The following GALNT13 variants were observed in gnomAD, a reference collection of about 807,000 sequenced individuals.
GALNT13 encodes polypeptide N-acetylgalactosaminyltransferase 13.
Under a neutral mutation model 64.2 loss-of-function variants are expected in GALNT13, and 28 were observed. The observed-to-expected ratio is 0.44, with a 90% confidence interval of 0.32 to 0.60. The LOEUF (loss-of-function observed/expected upper bound fraction) is 0.60, where lower values mean the gene tolerates loss of function less well. Among genes scored for constraint, GALNT13 ranks in the 20% least tolerant of loss-of-function variants. The pLI is 0.05. For missense variants in GALNT13, 577 were observed against 669.8 expected, an observed-to-expected ratio of 0.86 and a Z score of 1.53; for synonymous variants, 214 against 224.6, an observed-to-expected ratio of 0.95 and a Z score of 0.42.
chr2:153,130,747 G>A, the GALNT13 span, among the ~76,000 whole-genome samples: 3 of 152,238 alleles, frequency 2.0e-5, no homozygotes, highest in South Asian at 6.2e-4. Context: ...ATGAGCAGAA[G>A]AATCTTGATT....
At chr2:153,091,762 T>A in the GALNT13 span, among the ~76,000 whole-genome samples, 1 of 152,202 alleles carries the variant, frequency 6.6e-6, no homozygotes, top group African/African-American at 2.4e-5. Context: ...AGATGGGTAG[T>A]TTGCAAATAA....
the GALNT13 span, among the ~76,000 whole-genome samples, chr2:153,697,419 T>C: frequency 1.3e-5 from 2 of 152,334 alleles, no homozygotes; most frequent in South Asian, 4.1e-4. Context: ...ACATCCCTTT[T>C]TGTTCCTATA....
rs1701949317 is a variant in GALNT13, at chr2:154,453,441, C to G, written c.*2890C>G. 1 of 152,224 alleles carries G rather than the reference C, an allele frequency of 6.6e-6. No individual in the cohort carries two copies. The highest frequency in any genetic ancestry group is 2.4e-5 in the African/African-American group (1 of 41,416). 9.4% of individuals were successfully genotyped at this position (152,224 alleles called of 1,614,324 possible). ...GCCTCTTACTTACCCTATTATGGCT[C>G]CCAAGAAAGTTCCTGCTTTAGTGTT... On this transcript the variant is annotated 3_prime_UTR_variant, in exon 13 of 13. Transcript: ENST00000392825.
chr2:154,414,785 T>C (rs1251537419), intron 11 of GALNT13, among the ~76,000 whole-genome samples: 14 of 151,974 alleles, frequency 9.2e-5, no homozygotes, highest in Non-Finnish European at 1.9e-4. Context: ...ACTTTTTGTT[T>C]ACAGTTTTTT....
intron 2 of GALNT13, among the ~76,000 whole-genome samples, chr2:153,907,007 C>T (rs1021741157): frequency 1.3e-5 from 2 of 152,080 alleles, no homozygotes; most frequent in Admixed American, 6.6e-5. Context: ...TGATGATGAG[C>T]GTTTTTTCAT....
At chr2:154,253,896 T>G (rs532240640) in intron 7 of GALNT13, among the ~76,000 whole-genome samples, 1 of 152,330 alleles carries the variant, frequency 6.6e-6, no homozygotes, top group Non-Finnish European at 1.5e-5. Context: ...TAAACCAATG[T>G]ATTGGGTATG....
At chr2:154,377,589 T>A (rs1046559315) in intron 9 of GALNT13, among the ~76,000 whole-genome samples, 1 of 152,146 alleles carries the variant, frequency 6.6e-6, no homozygotes. Flanking sequence ...CGCTAAAGCC[T>A]AGGGGAGAAC....
chr2:153,658,744 G>A, the GALNT13 span, among the ~76,000 whole-genome samples: 9 of 150,158 alleles, frequency 6.0e-5, no homozygotes, highest in East Asian at 3.9e-4. Context: ...AAATACTGCC[G>A]TATAGGACTG....
At chr2:154,336,080 G>A (rs1261445034) in intron 9 of GALNT13, among the ~76,000 whole-genome samples, 5 of 152,142 alleles carry the variant, frequency 3.3e-5, no homozygotes, top group South Asian at 2.1e-4. Context: ...CTGAATCCAC[G>A]TGAATTGTGG....
chr2:154,225,160 T>TAGATAGATAGATAGATA (rs1553499132), intron 4 of GALNT13, among the ~76,000 whole-genome samples: 2 of 137,904 alleles, frequency 1.5e-5, no homozygotes, highest in African/African-American at 2.8e-5. Flanking sequence ...GATAGATAGA[T>TAGATAGATAGATAGATA]GATAGATAGA....
At chr2:153,208,973 C>CTTTTTTTTTTTTTTTTTT in the GALNT13 span, among the ~76,000 whole-genome samples, 19 of 74,682 alleles carry the variant, frequency 2.5e-4, 4 homozygotes, top group African/African-American at 4.0e-4. Flanking sequence ...TGGTTTTGGT[C>CTTTTTTTTTTTTTTTTTT]TTTTTTTTTT....
the GALNT13 span, among the ~76,000 whole-genome samples, chr2:153,817,797 C>A: frequency 1.3e-5 from 2 of 151,772 alleles, 1 homozygote; most frequent in Non-Finnish European, 2.9e-5. Flanking sequence ...TTTATAATAC[C>A]CAAAAAGTAT....
At chr2:154,214,921 C>T (rs1213258550) in intron 4 of GALNT13, among the ~76,000 whole-genome samples, 1 of 152,162 alleles carries the variant, frequency 6.6e-6, no homozygotes, top group Non-Finnish European at 1.5e-5. Flanking sequence ...GCTGGATTCA[C>T]AGATGACATG....
the GALNT13 span, among the ~76,000 whole-genome samples, chr2:153,246,861 TA>T: frequency 1.0e-3 from 153 of 152,252 alleles, no homozygotes; most frequent in Non-Finnish European, 1.3e-3. Context: ...TTAAATTGGA[TA>T]AAGTGTCAAG....
chr2:154,010,989 GT>G (rs1384337127), intron 3 of GALNT13, among the ~76,000 whole-genome samples: 1 of 150,832 alleles, frequency 6.6e-6, no homozygotes, highest in Admixed American at 6.6e-5. Flanking sequence ...GATCTTCTCT[GT>G]TTTTTTCTTT....
chr2:153,079,350 C>A, the GALNT13 span, among the ~76,000 whole-genome samples: 13 of 152,128 alleles, frequency 8.5e-5, no homozygotes, highest in African/African-American at 3.1e-4. Context: ...GGATACCAAA[C>A]CAAATGATAA....
At chr2:153,171,709 G>A in the GALNT13 span, among the ~76,000 whole-genome samples, 6 of 152,268 alleles carry the variant, frequency 3.9e-5, no homozygotes, top group Middle Eastern at 3.4e-3. Flanking sequence ...AAAGAAGTAA[G>A]AAAACTGTGT....
chr2:153,640,066 T>C, the GALNT13 span, among the ~76,000 whole-genome samples: 3 of 152,158 alleles, frequency 2.0e-5, no homozygotes, highest in Non-Finnish European at 4.4e-5. Flanking sequence ...CATTGATTTC[T>C]GGAGGCCTGA....
the GALNT13 span, among the ~76,000 whole-genome samples, chr2:153,692,358 T>TA: frequency 2.0e-5 from 3 of 152,112 alleles, no homozygotes; most frequent in Admixed American, 6.6e-5. Flanking sequence ...ATGTATAATT[T>TA]AAAAAAACAA....
Sources: allele counts gnomAD v4.1 joint callset (sites outside exome capture counted in the v4.1 genomes callset), GRCh38; gene constraint gnomAD v4.1.1; transcripts MANE v1.5; gene names NCBI Gene and HGNC (gene_info 2026-07-23, HGNC 2026-07-21).